SLC2A7: variants seen among roughly 807,000 people sequenced by gnomAD.
SLC2A7 encodes the protein solute carrier family 2 member 7.
SLC2A7 carries 50 observed loss-of-function variants against 50.5 expected under a neutral mutation model. That is an observed-to-expected ratio of 0.99 (90% CI 0.79 to 1.25). SLC2A7 has a LOEUF of 1.25. SLC2A7 is among the 50% of genes most tolerant of loss of function. The pLI is 0.00. For synonymous variants in SLC2A7, 308 were observed against 300.4 expected (o/e 1.03, Z -0.26); for missense variants, 683 against 679.1 (o/e 1.01, Z -0.06).
At chr1:9,007,487 C>G (rs972895802) in intron 9 of SLC2A7, 102 bp from the exon 10 acceptor site, 3 of 1,095,760 alleles carry the variant, frequency 2.7e-6, no homozygotes, top group Middle Eastern at 2.9e-4. Flanking sequence ...GGAGCTGCAC[C>G]TAGATGTCTG....
chr1:9,019,219 T>A lies in SLC2A7; in HGVS notation c.426A>T (p.Gly142=). The A allele has an allele frequency of 6.2e-7, 1 of 1,613,780 alleles. No individual in the cohort carries two copies. Among genetic ancestry groups the A allele is most frequent in the Non-Finnish European group, 8.5e-7 (1 of 1,179,870 alleles). The change falls in exon 4 of 12, where the codon GGA becomes GGT. Residue 142 remains glycine (G), a synonymous_variant. Transcript: ENST00000400906. ...CTGGGCCCCAGGTACCTGCACAGAC[T>A]CCCAGCACCACTCGGGAAAAGACGA... is the stretch of plus-strand genomic sequence containing the variant. ...ELIVFSRVVL[G]VCAGISYSAL...
At chr1:9,021,337 T>C (rs1640910369) in intron 3 of SLC2A7, among the ~76,000 whole-genome samples, 1 of 152,028 alleles carries the variant, frequency 6.6e-6, no homozygotes, top group Non-Finnish European at 1.5e-5. Flanking sequence ...TTCTTCTCTC[T>C]CCACCTCCAG....
chr1:9,013,335 T>C (rs1016541840), intron 8 of SLC2A7, among the ~76,000 whole-genome samples, 190 bp downstream of exon 8: 6 of 152,336 alleles, frequency 3.9e-5, no homozygotes, highest in Admixed American at 2.6e-4. Flanking sequence ...CGGCCGGCTC[T>C]GAAGGAATTT....
intron 3 of SLC2A7, 114 bp from the exon 4 acceptor site, chr1:9,019,447 G>A (rs1239461891): frequency 1.0e-5 from 15 of 1,428,882 alleles, no homozygotes; most frequent in Non-Finnish European, 1.4e-5. Flanking sequence ...ATGTGCCCGA[G>A]AAAGAGCTGA....
At position 9,003,430 on chromosome 1, in the gene SLC2A7, T is replaced by C. The variant is rs367693641; in HGVS notation, c.1409A>G (p.Lys470Arg). The change falls in exon 12 of 12, where the codon AAG (lysine) becomes AGG (arginine). Residue 470 changes from lysine to arginine, a missense_variant. By Grantham distance (26) the Lys-to-Arg change is conservative. Transcript: ENST00000400906. ...IYIYVVIPETKGKTFVEINRI... is the reference protein window; with the variant it reads ...IYIYVVIPETRGKTFVEINRI... ...GTTTATCTCCACAAATGTTTTGCCCTTGGTCTCCGGAATAACCACGTAGAT... is the reference window on the plus strand; with the variant it reads ...GTTTATCTCCACAAATGTTTTGCCCCTGGTCTCCGGAATAACCACGTAGAT... 2 of 1,614,204 alleles carry C rather than the reference T, an allele frequency of 1.2e-6. No homozygotes were observed. Among genetic ancestry groups the C allele is most frequent in the Non-Finnish European group, 1.7e-6 (2 of 1,180,030 alleles).
chr1:9,003,600 G>C, intron 11 of SLC2A7, 82 bp from the exon 12 acceptor site: 1 of 1,280,162 alleles, frequency 7.8e-7, no homozygotes, highest in Non-Finnish European at 1.1e-6. Flanking sequence ...GCTCATGCCT[G>C]TAATCCCAGC....
intron 9 of SLC2A7, among the ~76,000 whole-genome samples, chr1:9,009,178 G>A (rs1239002810): frequency 2.6e-5 from 4 of 152,202 alleles, no homozygotes; most frequent in African/African-American, 4.8e-5. Context: ...ACACATTCTT[G>A]TACTCATGTG....
chr1:9,024,786 A>G (rs1021767544), intron 2 of SLC2A7, among the ~76,000 whole-genome samples, 190 bp downstream of exon 2: 1 of 151,860 alleles, frequency 6.6e-6, no homozygotes, highest in Non-Finnish European at 1.5e-5. Flanking sequence ...AGGGGGAAAC[A>G]CCTCCTGCCA....
chr1:9,000,289 C>A (rs1296630952), downstream of SLC2A7, among the ~76,000 whole-genome samples: 1 of 152,076 alleles, frequency 6.6e-6, no homozygotes, highest in African/African-American at 2.4e-5. Context: ...CCACTGCACT[C>A]CAGCCTGGAC....
At chr1:9,016,065 G>C (rs777789846) in intron 5 of SLC2A7, among the ~76,000 whole-genome samples, 1 of 152,162 alleles carries the variant, frequency 6.6e-6, no homozygotes, top group Non-Finnish European at 1.5e-5. Flanking sequence ...AAGAAGTGGC[G>C]AGGGCTGAAT....
chr1:9,025,060 C>A lies in SLC2A7; in HGVS notation c.66G>T (p.Thr22=). 6.2e-7 allele frequency: 1 copy of A among 1,612,964 alleles called. No individual in the cohort carries two copies. Among genetic ancestry groups the A allele is most frequent in the Non-Finnish European group, 8.5e-7 (1 of 1,179,840 alleles). Reference sequence around the variant, plus strand: ...CCGCGCTCAGTGTCGCCAGCAACAGCGTCGGCTGGAGCCGCTGTAGGAGAC... The same window carrying A: ...CCGCGCTCAGTGTCGCCAGCAACAGAGTCGGCTGGAGCCGCTGTAGGAGAC... ...IPSREGRLQP[T]LLLATLSAAF... The change falls in exon 2 of 12, where the codon ACG becomes ACT. Residue 22 remains threonine, a synonymous_variant. Transcript: ENST00000400906.
downstream of SLC2A7, among the ~76,000 whole-genome samples, chr1:9,002,638 T>C (rs1210903821): frequency 6.6e-6 from 1 of 152,222 alleles, no homozygotes; most frequent in African/African-American, 2.4e-5. Flanking sequence ...CAATAAATAC[T>C]GAGGGAACTC....
At chr1:9,013,419 C>T (rs1557649399) in intron 8 of SLC2A7, 106 bp downstream of exon 8, 29 of 878,554 alleles carry the variant, frequency 3.3e-5, no homozygotes, top group Non-Finnish European at 5.1e-5. Context: ...TAAATGACCC[C>T]AGGACCAGGG....
chr1:9,014,108 C>T (rs142804213), intron 7 of SLC2A7, among the ~76,000 whole-genome samples: 67 of 152,358 alleles, frequency 4.4e-4, no homozygotes, highest in African/African-American at 1.6e-3. Context: ...GCCATCTACC[C>T]TCCCACGATC....
At chr1:9,009,553 C>A (rs1276939923) in intron 9 of SLC2A7, among the ~76,000 whole-genome samples, 2 of 152,200 alleles carry the variant, frequency 1.3e-5, no homozygotes, top group Non-Finnish European at 2.9e-5. Flanking sequence ...ACCTCCCAGG[C>A]TCAGGTGATC....
At chr1:8,994,863 TG>T in the SLC2A7 span, among the ~76,000 whole-genome samples, 1 of 151,932 alleles carries the variant, frequency 6.6e-6, no homozygotes, top group South Asian at 2.1e-4. Flanking sequence ...TTCTGCCTCC[TG>T]GGTTCAAGCG....
At chr1:8,999,623 A>T (rs1569773389), downstream of SLC2A7, among the ~76,000 whole-genome samples, 1 of 152,274 alleles carries the variant, frequency 6.6e-6, no homozygotes, top group East Asian at 1.9e-4. Context: ...TCATACCACT[A>T]ACTGGCTTAC....
downstream of SLC2A7, among the ~76,000 whole-genome samples, chr1:8,998,451 G>T (rs1188367432): frequency 6.6e-6 from 1 of 151,962 alleles, no homozygotes; most frequent in Non-Finnish European, 1.5e-5. Flanking sequence ...ATAGGTGTGG[G>T]TCTATTTCTG....
At chr1:9,010,039 T>A (rs1640722448) in intron 9 of SLC2A7, 104 bp downstream of exon 9, 1 of 997,994 alleles carries the variant, frequency 1.0e-6, no homozygotes, top group South Asian at 1.5e-5. Flanking sequence ...ATGCCATCAG[T>A]GGGACTCAGA....
Sources: gnomAD v4.1 joint callset for allele counts (sites outside exome capture counted in the v4.1 genomes callset) on GRCh38, gnomAD v4.1.1 for gene constraint, MANE v1.5 for transcripts, NCBI Gene and HGNC (gene_info 2026-07-23, HGNC 2026-07-21) for gene names.